KCNH4: variants seen among roughly 807,000 people sequenced by gnomAD.
The protein encoded by KCNH4 is voltage-gated delayed rectifier potassium channel KCNH4.
In KCNH4, 33 loss-of-function variants were observed where a neutral mutation model predicts 90.7. The ratio of observed to expected loss-of-function variants is 0.36; its 90% confidence interval spans 0.28 to 0.49. The LOEUF (loss-of-function observed/expected upper bound fraction) is 0.49, where lower values mean the gene tolerates loss of function less well. KCNH4 is among the 20% of genes least tolerant of loss of function. KCNH4 has a pLI of 0.98. For missense variants in KCNH4, 1,044 were observed against 1,387.1 expected (o/e 0.75, Z 3.93); for synonymous variants, 551 against 581.7 (o/e 0.95, Z 0.76).
In KCNH4 at chr17:42,163,847, G is replaced by C. The variant is rs2079766967; in HGVS notation, c.2236C>G (p.Leu746Val). ...GGPRPRRPLL[L>V]PNLSPARPRG... ...GGCCGTGCTGGGCTGAGGTTGGGCA[G>C]CAGGAGGGGCCGTCGGGGCCTGGGA... The change falls in exon 13 of 17, where the codon CTG (leucine) becomes GTG (valine). Residue 746 changes from leucine to valine, a missense_variant. Around this residue, in one of 4 missense-constraint regions of KCNH4, gnomAD observed 441 missense variants for 512.3 expected, o/e 0.86. Coordinates refer to ENST00000264661, the MANE Select transcript of KCNH4 (RefSeq NM_012285.3). This position sits in a 1 kb window ranked among gnomAD's most constrained non-coding sequence, Gnocchi z 5.4. 6.6e-7 allele frequency: 1 copy of C among 1,510,178 alleles called. No homozygotes were observed. Among genetic ancestry groups the C allele is most frequent in the East Asian group, 2.4e-5 (1 of 41,160 alleles). 93.5% of individuals were successfully genotyped at this position (1,510,178 alleles called of 1,614,324 possible).
At position 42,166,440 on chromosome 17, in the gene KCNH4, C is replaced by T; in HGVS notation, c.1697G>A (p.Arg566Gln). 9 of 1,613,990 alleles carry T rather than the reference C, an allele frequency of 5.6e-6. No individual in the cohort carries two copies. The highest frequency in any genetic ancestry group is 2.2e-5 in the South Asian group (2 of 91,082). Residue 566 changes from arginine to glutamine, a missense_variant, in exon 10 of 17, where the codon CGG becomes CAG. Coordinates refer to ENST00000264661, the MANE Select transcript of KCNH4 (RefSeq NM_012285.3). ...LFGAASRGCLRALSLHIKTSF... is the reference protein window; with the variant it reads ...LFGAASRGCLQALSLHIKTSF... ...GGTCTTGATGTGCAGCGATAGGGCC[C>T]GCAGGCAGCCCCTGCTCGCTGCCCC... is the stretch of plus-strand genomic sequence containing the variant.
rs1348322736 is a variant in KCNH4, at chr17:42,166,287, G to T, written c.1840+10C>A. On this transcript the variant is annotated intron_variant, in intron 10 of 16. Transcript: ENST00000264661. ...CCAGGGTAGGTAGTAGAGGGTGACGGTGTCCTTACCCAGGATGGCCAGCAC... is the reference window on the plus strand; with the variant it reads ...CCAGGGTAGGTAGTAGAGGGTGACGTTGTCCTTACCCAGGATGGCCAGCAC... 1 of 1,592,446 alleles carries T rather than the reference G, an allele frequency of 6.3e-7. No homozygotes were observed. The highest frequency in any genetic ancestry group is 8.6e-7 in the Non-Finnish European group (1 of 1,168,756).
rs747701630 is a variant in KCNH4 at position 42,163,608 on chromosome 17, G to C, written c.2475C>G (p.Pro825=). The C allele has an allele frequency of 7.0e-7, 1 of 1,424,102 alleles. No homozygotes were observed. The highest frequency in any genetic ancestry group is 2.3e-5 in the Admixed American group (1 of 43,260). The allele number at this position is 1,424,102 out of a possible 1,614,324, so 88.2% of individuals were successfully genotyped here. A position where few individuals can be genotyped will look rare whatever the true frequency, so the allele number is the denominator to read the frequency against. ...LGTFGPPDLS[P]RIVDGIEDSG... ...AGCAGGGGAGGCTGGCGTCTCACCGGGGACTGAGGTCCGGAGGTCCAAAGG... is the reference window on the plus strand; with the variant it reads ...AGCAGGGGAGGCTGGCGTCTCACCGCGGACTGAGGTCCGGAGGTCCAAAGG... The change falls in exon 13 of 17, where the codon CCC becomes CCG. Residue 825 remains proline (P), a splice_region_variant and synonymous_variant. Coordinates refer to ENST00000264661, the MANE Select transcript of KCNH4 (RefSeq NM_012285.3). The surrounding 1 kb of genome is among the most constrained non-coding windows in gnomAD (Gnocchi z 5.4).
In KCNH4 at chr17:42,159,759, G is replaced by A. The variant is rs904581433; in HGVS notation, c.*281C>T. The A allele has an allele frequency of 3.3e-6, 1 of 303,268 alleles. No individual in the cohort carries two copies. The highest frequency in any genetic ancestry group is 2.1e-5 in the African/African-American group (1 of 46,578). 18.8% of individuals were successfully genotyped at this position (303,268 alleles called of 1,614,324 possible). On this transcript the variant is annotated 3_prime_UTR_variant, in exon 16 of 17. Transcript: ENST00000264661. The stretch of plus-strand genomic sequence containing the variant: ...CCTCCAGGTCCTGGGGAGAAAGTAG[G>A]ATCTCATCTGCCCAGCCCAATGGGC...
chr17:42,176,800 G>C (rs1268333594), intron 4 of KCNH4, among the ~76,000 whole-genome samples: 1 of 152,046 alleles, frequency 6.6e-6, no homozygotes, highest in Admixed American at 6.6e-5. Context: ...TAGGATTACA[G>C]GTGTGAGCCA....
At position 42,163,883 on chromosome 17, in the gene KCNH4, G is replaced by C; in HGVS notation, c.2200C>G (p.Pro734Ala). 1 of 1,538,636 alleles carries C rather than the reference G, an allele frequency of 6.5e-7. No individual in the cohort carries two copies. Among genetic ancestry groups the C allele is most frequent in the Non-Finnish European group, 8.8e-7 (1 of 1,141,604 alleles). Reference protein sequence around the residue: ...SITEAESGAEPGGGPRPRRPL... With the variant: ...SITEAESGAEAGGGPRPRRPL... ...CGTCGGGGCCTGGGACCACCCCCAGGCTCCGCGCCACTCTCGGCCTCTGTG... is the reference window on the plus strand; with the variant it reads ...CGTCGGGGCCTGGGACCACCCCCAGCCTCCGCGCCACTCTCGGCCTCTGTG... The change falls in exon 13 of 17, where the codon CCT (proline) becomes GCT (alanine). Residue 734 changes from proline (P) to alanine (A), a missense_variant. Transcript: ENST00000264661. The surrounding 1 kb of genome is among the most constrained non-coding windows in gnomAD (Gnocchi z 5.4).
At chr17:42,167,778 A>T (rs1382200255) in intron 9 of KCNH4, among the ~76,000 whole-genome samples, 1 of 152,154 alleles carries the variant, frequency 6.6e-6, no homozygotes, top group East Asian at 1.9e-4. Context: ...ACCACGTCCC[A>T]CAGATCCCAT....
In KCNH4 at chr17:42,178,840, T is replaced by A. The variant is rs1192775450; in HGVS notation, c.263A>T (p.Glu88Val). 6.2e-7 allele frequency: 1 copy of A among 1,614,104 alleles called. No homozygotes were observed. The highest frequency in any genetic ancestry group is 1.1e-5 in the South Asian group (1 of 91,084). The change falls in exon 2 of 17, where the codon GAG (glutamate) becomes GTG (valine). Residue 88 changes from glutamate (E) to valine (V), a missense_variant. This residue lies in a region of KCNH4 where 283 missense variants were observed against 378.6 expected (regional missense o/e 0.75). Transcript: ENST00000264661. ...TTCAGCCCGGTGCTCCTGGTGGCCC[T>A]CCAGGGCTTTGTGCAGACGCTGCAG... ...PALQRLHKALEGHQEHRAEIC... is the reference protein window; with the variant it reads ...PALQRLHKALVGHQEHRAEIC...
Position 42,166,510 on chromosome 17 carries a change from T to C in KCNH4, c.1627A>G (p.Ile543Val), listed in dbSNP as rs762935659. The C allele has an allele frequency of 1.2e-5, 19 of 1,613,462 alleles. No individual in the cohort carries two copies. In the East Asian group the frequency reaches 2.5e-4, roughly 21 times the overall value. ...ATCTCCCGATTCAGGTGCATAGCAA[T>C]GTCAGCTCTCAGCTCGTCTGGGAAG... ...RDFPDELRADIAMHLNREILQ... is the reference protein window; with the variant it reads ...RDFPDELRADVAMHLNREILQ... The change falls in exon 10 of 17, where the codon ATT (isoleucine) becomes GTT (valine). Residue 543 changes from isoleucine to valine, a missense_variant. This residue lies in a region of KCNH4 where 318 missense variants were observed against 479.6 expected (regional missense o/e 0.66). Coordinates refer to ENST00000264661, the MANE Select transcript of KCNH4 (RefSeq NM_012285.3).
At chr17:42,169,379 C>T in intron 9 of KCNH4, 98 bp downstream of exon 9, 1 of 1,181,018 alleles carries the variant, frequency 8.5e-7, no homozygotes, top group South Asian at 1.3e-5. Context: ...CGAGTTCGGC[C>T]TGCCTCCATT....
chr17:42,161,020 G>A (rs533020137), intron 15 of KCNH4, among the ~76,000 whole-genome samples: 243 of 148,448 alleles, frequency 1.6e-3, no homozygotes, highest in Non-Finnish European at 1.7e-3. Flanking sequence ...TCCGCCTCCC[G>A]GGTTCACGAG....
At position 42,160,058 on chromosome 17, in the gene KCNH4, C is replaced by A; in HGVS notation, c.3036G>T (p.Arg1012Ser). ...GCCAGGGTCAGTGGAACGTGTCTGA[C>A]CTGGACTGGAAACTGTGCCTCAAGA... ...PSLLRHSFQS[R>S]SDTFH The change falls in exon 16 of 17, where the codon AGG becomes AGT. Residue 1012 changes from arginine (R) to serine (S), a missense_variant. Transcript: ENST00000264661. 2 of 1,539,788 alleles carry A rather than the reference C, an allele frequency of 1.3e-6. No individual in the cohort carries two copies. Among genetic ancestry groups the A allele is most frequent in the Non-Finnish European group, 1.8e-6 (2 of 1,141,026 alleles).
At chr17:42,167,230 A>T (rs2079794385) in intron 9 of KCNH4, among the ~76,000 whole-genome samples, 1 of 151,738 alleles carries the variant, frequency 6.6e-6, no homozygotes, top group Non-Finnish European at 1.5e-5. Flanking sequence ...CTACTACCTG[A>T]GTGCCCTGAG....
Position 42,160,131 on chromosome 17 carries a change from G to T in KCNH4, c.2963C>A (p.Pro988His), listed in dbSNP as rs1392436884. Residue 988 changes from proline to histidine, a missense_variant, in exon 16 of 17, where the codon CCT becomes CAT. Around this residue, in one of 4 missense-constraint regions of KCNH4, gnomAD observed 441 missense variants for 512.3 expected, o/e 0.86. Coordinates refer to ENST00000264661, the MANE Select transcript of KCNH4 (RefSeq NM_012285.3). ...ILPPYPSEPD[P>H]LGPSPVPEAS... ...CTCTGGCACTGGAGAGGGTCCCAGA[G>T]GGTCAGGCTCTGAGGGGTAGGGGGG... 6.2e-7 allele frequency: 1 copy of T among 1,607,638 alleles called. No homozygotes were observed. Among genetic ancestry groups the T allele is most frequent in the Non-Finnish European group, 8.5e-7 (1 of 1,176,234 alleles).
In KCNH4 at chr17:42,175,624, A is replaced by G. The variant is rs760335158; in HGVS notation, c.942T>C (p.Ile314=). ...AAAGCAGGTCAAAGGGCAGAGCAGC[A>G]ATAAGGTCGATGAAGAACCAGGTGG... is the stretch of plus-strand genomic sequence containing the variant. ...YLATWFFIDL[I]AALPFDLLYI... The change falls in exon 6 of 17, where the codon ATT becomes ATC. Residue 314 remains isoleucine, a synonymous_variant. Coordinates refer to ENST00000264661, the MANE Select transcript of KCNH4 (RefSeq NM_012285.3). 1.2e-6 allele frequency: 2 copies of G among 1,614,206 alleles called. No individual in the cohort carries two copies. Among genetic ancestry groups the G allele is most frequent in the Admixed American group, 1.7e-5 (1 of 60,016 alleles).
intron 16 of KCNH4, among the ~76,000 whole-genome samples, chr17:42,158,207 C>T (rs575799851): frequency 1.7e-4 from 25 of 150,432 alleles, no homozygotes; most frequent in African/African-American, 5.8e-4. Flanking sequence ...GGATTACAGG[C>T]GTGAGCCACC....
chr17:42,161,338 C>T (rs760170499), intron 15 of KCNH4, among the ~76,000 whole-genome samples: 2 of 152,212 alleles, frequency 1.3e-5, no homozygotes, highest in African/African-American at 2.4e-5. Flanking sequence ...GAGCCAGCCC[C>T]GCTCAGGCCC....
intron 4 of KCNH4, 76 bp from the exon 5 acceptor site, chr17:42,176,373 A>T (rs2079861769): frequency 1.8e-5 from 24 of 1,315,938 alleles, no homozygotes; most frequent in East Asian, 4.7e-5. Flanking sequence ...AAGGCAGGGG[A>T]TGGGGAAAGT....
intron 10 of KCNH4, among the ~76,000 whole-genome samples, chr17:42,166,075 C>T (rs1052747315): frequency 6.6e-6 from 1 of 151,804 alleles, no homozygotes; most frequent in African/African-American, 2.4e-5. Flanking sequence ...GGACAGTCAC[C>T]GGGAAGGGTT....
Sources: gnomAD v4.1 joint callset for allele counts (sites outside exome capture counted in the v4.1 genomes callset) on GRCh38, gnomAD v4.1.1 for gene constraint, gnomAD v4.1.1 regional missense constraint, Gnocchi (gnomAD v3.1) non-coding constraint, MANE v1.5 for transcripts, NCBI Gene and HGNC (gene_info 2026-07-23, HGNC 2026-07-21) for gene names.